Variants in GRM8 observed in about 807,000 individuals in gnomAD.
The protein encoded by GRM8 is glutamate metabotropic receptor 8.
A neutral mutation model predicts 87.2 loss-of-function variants in GRM8; 47 were observed. The ratio of observed to expected loss-of-function variants is 0.54; its 90% confidence interval spans 0.43 to 0.69. GRM8 has a LOEUF of 0.69. Ranked by LOEUF, GRM8 falls within the 30% of genes least tolerant of loss-of-function variation. GRM8 has a pLI of 0.00. For missense variants in GRM8, 1,019 were observed against 1,139.2 expected (o/e 0.89, Z 1.52); for synonymous variants, 396 against 404.5 (o/e 0.98, Z 0.25).
chr7:126,645,218 C>T (rs1802901745), intron 7 of GRM8, among the ~76,000 whole-genome samples: 1 of 152,202 alleles, frequency 6.6e-6, no homozygotes, highest in Non-Finnish European at 1.5e-5. Flanking sequence ...CATAGTTTCT[C>T]TAATCTCTTA....
intron 3 of GRM8, among the ~76,000 whole-genome samples, chr7:126,968,723 A>T (rs992199757): frequency 1.3e-5 from 2 of 152,210 alleles, no homozygotes; most frequent in Non-Finnish European, 2.9e-5. Flanking sequence ...GCAGATAATA[A>T]TAAACTCTCT....
intron 6 of GRM8, among the ~76,000 whole-genome samples, chr7:126,808,366 C>A (rs760579944): frequency 6.6e-6 from 1 of 152,088 alleles, no homozygotes; most frequent in Non-Finnish European, 1.5e-5. Context: ...AAGGATTGTC[C>A]CATCATGCAA....
chr7:127,012,274 A>ACT (rs1196088800), intron 3 of GRM8, among the ~76,000 whole-genome samples: 1 of 152,110 alleles, frequency 6.6e-6, no homozygotes, highest in Non-Finnish European at 1.5e-5. Flanking sequence ...ACTTGGTTCT[A>ACT]TAGTTCTACT....
At chr7:127,142,602 A>AT (rs1191655142) in intron 2 of GRM8, among the ~76,000 whole-genome samples, 3 of 152,192 alleles carry the variant, frequency 2.0e-5, no homozygotes, top group Admixed American at 2.0e-4. Context: ...AATAGTAAGC[A>AT]TAAGAATGTT....
chr7:127,029,046 C>G (rs1281254341), intron 3 of GRM8, among the ~76,000 whole-genome samples: 1 of 152,124 alleles, frequency 6.6e-6, no homozygotes, highest in African/African-American at 2.4e-5. Flanking sequence ...TCTTTGTTCT[C>G]ATTGGTTTCA....
chr7:127,084,518 T>C (rs1823252051), intron 3 of GRM8: 1 of 152,212 alleles, frequency 6.6e-6, no homozygotes, highest in Admixed American at 6.5e-5. Flanking sequence ...TATAGATTAA[T>C]GTTACAGTTC....
intron 7 of GRM8, among the ~76,000 whole-genome samples, chr7:126,751,041 T>TTACTA (rs142378012): frequency 0.39 from 58,837 of 151,442 alleles, 12,553 homozygotes; most frequent in Non-Finnish European, 0.48. Context: ...TATCCCTACT[T>TTACTA]TATATTATTT....
chr7:126,598,316 G>A (rs1468627573), intron 8 of GRM8, among the ~76,000 whole-genome samples: 2 of 151,884 alleles, frequency 1.3e-5, no homozygotes, highest in East Asian at 3.9e-4. Context: ...CTAGAAACCT[G>A]CCTCCAACTG....
chr7:126,644,453 T>C (rs1029980677), intron 7 of GRM8, among the ~76,000 whole-genome samples: 1 of 152,148 alleles, frequency 6.6e-6, no homozygotes, highest in African/African-American at 2.4e-5. Context: ...ATAGAAATGA[T>C]ACATCCCCAA....
chr7:127,096,155 T>G (rs1039169759), intron 3 of GRM8, among the ~76,000 whole-genome samples: 2 of 152,184 alleles, frequency 1.3e-5, no homozygotes. Flanking sequence ...CTGCCCTTAA[T>G]TGAGCACTTA....
intron 9 of GRM8, among the ~76,000 whole-genome samples, chr7:126,452,878 T>C: frequency 6.6e-6 from 1 of 151,674 alleles, no homozygotes; most frequent in Non-Finnish European, 1.5e-5. Context: ...AATCAAAGGA[T>C]TTAGTGAGAC....
chr7:126,994,931 T>A (rs1563392897), intron 3 of GRM8, among the ~76,000 whole-genome samples: 1 of 152,088 alleles, frequency 6.6e-6, no homozygotes, highest in Non-Finnish European at 1.5e-5. Flanking sequence ...ATAGTGGACC[T>A]TGTGTGAGAC....
intron 8 of GRM8, among the ~76,000 whole-genome samples, chr7:126,575,107 G>T (rs943952009): frequency 6.6e-6 from 1 of 152,086 alleles, no homozygotes. Context: ...GACTGGTACC[G>T]GTTTGTGGCC....
chr7:127,067,600 A>G (rs549344468), intron 3 of GRM8, among the ~76,000 whole-genome samples: 1 of 152,328 alleles, frequency 6.6e-6, no homozygotes, highest in African/African-American at 2.4e-5. Context: ...AGATAAAAGC[A>G]ATGCTTTATT....
chr7:127,215,260 T>G (rs1796452739), intron 2 of GRM8: 1 of 152,198 alleles, frequency 6.6e-6, no homozygotes, highest in South Asian at 2.1e-4. Flanking sequence ...TAATGTGAGT[T>G]TAAGCCCTAA....
chr7:126,833,369 A>G (rs1795566687), intron 6 of GRM8, among the ~76,000 whole-genome samples: 1 of 152,206 alleles, frequency 6.6e-6, no homozygotes, highest in African/African-American at 2.4e-5. Context: ...AGTTAACTCC[A>G]GCTATGTCCA....
intron 9 of GRM8, among the ~76,000 whole-genome samples, chr7:126,517,993 T>C (rs992192227): frequency 6.6e-6 from 1 of 152,020 alleles, no homozygotes; most frequent in Non-Finnish European, 1.5e-5. Context: ...TTAGGTTCCA[T>C]AGGAAGAGTC....
intron 2 of GRM8, among the ~76,000 whole-genome samples, chr7:127,182,417 G>A (rs770368198): frequency 5.9e-5 from 9 of 151,988 alleles, no homozygotes; most frequent in Admixed American, 1.3e-4. Flanking sequence ...TAGTATAGCC[G>A]CCATGGAAAA....
At chr7:126,484,819 G>A (rs1807160895) in intron 9 of GRM8, among the ~76,000 whole-genome samples, 3 of 151,240 alleles carry the variant, frequency 2.0e-5, no homozygotes, top group African/African-American at 7.3e-5. Context: ...TTAAATAACT[G>A]ACCCCATTTT....
Sources: gnomAD v4.1 joint callset for allele counts (sites outside exome capture counted in the v4.1 genomes callset) on GRCh38, gnomAD v4.1.1 for gene constraint, MANE v1.5 for transcripts, NCBI Gene and HGNC (gene_info 2026-07-23, HGNC 2026-07-21) for gene names.